Variants in GRIA4 observed in about 807,000 individuals in gnomAD.
GRIA4 encodes glutamate receptor 4.
In GRIA4, 34 loss-of-function variants were observed where a neutral mutation model predicts 104.0. The ratio of observed to expected loss-of-function variants is 0.33; its 90% CI spans 0.25 to 0.44. The LOEUF (loss-of-function observed/expected upper bound fraction) is 0.44. GRIA4 is among the 20% of genes least tolerant of loss of function. The pLI, the probability that GRIA4 is intolerant of heterozygous loss-of-function variation, is 1.00. For synonymous variants in GRIA4, 386 were observed against 381.9 expected, an observed-to-expected ratio of 1.01 and a Z score of -0.13; for missense variants, 750 against 1,096.5, an observed-to-expected ratio of 0.68 and a Z score of 4.46.
chr11:105,975,883 G>C (rs1256295315), intron 16 of GRIA4, among the ~76,000 whole-genome samples: 1 of 152,022 alleles, frequency 6.6e-6, no homozygotes. Context: ...TAGTGACTGA[G>C]TACAATAGCA....
At chr11:105,936,445 G>C (rs1239061640) in intron 14 of GRIA4, among the ~76,000 whole-genome samples, 1 of 152,080 alleles carries the variant, frequency 6.6e-6, no homozygotes, top group East Asian at 1.9e-4. Flanking sequence ...TGGATGTAGT[G>C]AGACTTTTGT....
In GRIA4 at chr11:105,873,500, A is replaced by G. The variant is rs1033800811; in HGVS notation, c.672+11292A>G. On this transcript the variant is annotated intron_variant, in intron 5 of 16. Coordinates refer to ENST00000282499, the MANE Select transcript of GRIA4 (RefSeq NM_000829.4). ...TTCTAGATCCTTGAGGAATGGCCAC[A>G]CTGTCTTCCACAATGGTTGAACTAA... Among the ~76,000 whole-genome samples, 3 of 152,302 alleles carry G rather than the reference A, an allele frequency of 2.0e-5. No homozygotes were observed. In the East Asian group the frequency reaches 5.8e-4, roughly 29 times the overall value.
intron 12 of GRIA4, 93 bp downstream of exon 12, chr11:105,924,862 A>G: frequency 3.0e-6 from 3 of 998,902 alleles, no homozygotes; most frequent in Non-Finnish European, 4.4e-6. Context: ...TCCTGAAGAC[A>G]GAGGACTATT....
intron 4 of GRIA4, among the ~76,000 whole-genome samples, chr11:105,851,507 G>T (rs983115017): frequency 6.6e-6 from 1 of 152,130 alleles, no homozygotes; most frequent in Non-Finnish European, 1.5e-5. Flanking sequence ...GAAATGTAAA[G>T]AAAAAAGACA....
intron 3 of GRIA4, among the ~76,000 whole-genome samples, chr11:105,737,388 T>C (rs192858853): frequency 2.6e-5 from 4 of 152,254 alleles, no homozygotes; most frequent in African/African-American, 2.4e-5. Context: ...ATATTAACCA[T>C]GCAAAAGTTT....
In GRIA4 at chr11:105,894,860, C is replaced by T. The variant is rs980871017; in HGVS notation, c.727-3409C>T. 2.0e-5 allele frequency among the ~76,000 whole-genome samples: 2 copies of T among 100,540 alleles called. 1 individual carries two copies. Among genetic ancestry groups the T allele is most frequent in the Non-Finnish European group, 4.2e-5 (2 of 47,432 alleles). 66.0% of individuals were successfully genotyped at this position (100,540 alleles called of 152,430 possible). On this transcript the variant is annotated intron_variant, in intron 6 of 16. Coordinates refer to ENST00000282499, the MANE Select transcript of GRIA4 (RefSeq NM_000829.4). ...CAGGCTGGACTGCGGACTGCAGTGG[C>T]GCAATCTCGGCTCACTGCAAGCTCC... is the stretch of plus-strand genomic sequence containing the variant.
chr11:105,979,787 T>A lies in GRIA4; in HGVS notation c.*48T>A, dbSNP rs751168586. 2.8e-6 allele frequency: 4 copies of A among 1,451,398 alleles called. No homozygotes were observed. The highest frequency in any genetic ancestry group is 3.8e-6 in the Non-Finnish European group (4 of 1,041,150). 89.9% of individuals were successfully genotyped at this position (1,451,398 alleles called of 1,614,324 possible). A position where few individuals can be genotyped will look rare whatever the true frequency, so the allele number is the denominator to read the frequency against. On this transcript the variant is annotated 3_prime_UTR_variant, in exon 17 of 17. Transcript: ENST00000282499. Reference sequence around the variant, plus strand: ...CCTTAATTAAACTGTTGGTGACTGGTGGAAACGCAGCCCTGAGGGACACGC... The same window carrying A: ...CCTTAATTAAACTGTTGGTGACTGGAGGAAACGCAGCCCTGAGGGACACGC...
chr11:105,844,638 T>C (rs1311379324), intron 4 of GRIA4, among the ~76,000 whole-genome samples: 1 of 152,220 alleles, frequency 6.6e-6, no homozygotes, highest in African/African-American at 2.4e-5. Context: ...TGGGAAAATA[T>C]GTTAAGAATT....
chr11:105,835,109 GTTAC>G (rs1159912769), intron 4 of GRIA4, among the ~76,000 whole-genome samples: 2 of 151,588 alleles, frequency 1.3e-5, no homozygotes, highest in Non-Finnish European at 2.9e-5. Flanking sequence ...TGTGTTTCTT[GTTAC>G]TTATTCAATA....
intron 10 of GRIA4, among the ~76,000 whole-genome samples, chr11:105,911,242 C>A (rs1476036577): frequency 6.6e-6 from 1 of 151,886 alleles, no homozygotes; most frequent in Non-Finnish European, 1.5e-5. Flanking sequence ...AATGAAAAAT[C>A]CTCTAAATTT....
chr11:105,767,642 C>T (rs1245118310), intron 4 of GRIA4, among the ~76,000 whole-genome samples: 1 of 152,074 alleles, frequency 6.6e-6, no homozygotes, highest in Admixed American at 6.6e-5. Context: ...AATTTATAAT[C>T]TCATAATAAT....
At chr11:105,740,068 G>T (rs909474961) in intron 3 of GRIA4, among the ~76,000 whole-genome samples, 8 of 152,076 alleles carry the variant, frequency 5.3e-5, no homozygotes, top group Non-Finnish European at 8.8e-5. Flanking sequence ...TTAAATGTAT[G>T]AAAATGACAA....
intron 4 of GRIA4, among the ~76,000 whole-genome samples, chr11:105,823,506 A>G (rs1276512398): frequency 3.3e-5 from 5 of 152,106 alleles, no homozygotes; most frequent in Non-Finnish European, 7.4e-5. Context: ...TGGAAAGGAC[A>G]TTTTGCAGAA....
chr11:105,788,752 G>A (rs1477891880), intron 4 of GRIA4, among the ~76,000 whole-genome samples: 2 of 152,256 alleles, frequency 1.3e-5, no homozygotes, highest in South Asian at 2.1e-4. Flanking sequence ...AAGGGATGAG[G>A]TTGGGGATAG....
At chr11:105,847,557 T>G (rs1456994693) in intron 4 of GRIA4, among the ~76,000 whole-genome samples, 1 of 152,216 alleles carries the variant, frequency 6.6e-6, no homozygotes, top group Non-Finnish European at 1.5e-5. Flanking sequence ...TGCATTTTTT[T>G]TGTTACTCAC....
intron 3 of GRIA4, among the ~76,000 whole-genome samples, chr11:105,749,182 A>C (rs1039419594): frequency 6.6e-6 from 1 of 152,202 alleles, no homozygotes; most frequent in African/African-American, 2.4e-5. Context: ...GTATTCCAAT[A>C]AGATAAAACC....
intron 3 of GRIA4, among the ~76,000 whole-genome samples, chr11:105,658,309 T>G (rs899264671): frequency 2.6e-5 from 4 of 151,860 alleles, no homozygotes; most frequent in Admixed American, 1.3e-4. Flanking sequence ...TGAATTTTTG[T>G]TTTTCATCCT....
At chr11:105,619,078 A>G (rs1224913096) in intron 3 of GRIA4, among the ~76,000 whole-genome samples, 2 of 510 alleles carry the variant, frequency 3.9e-3, no homozygotes, top group Non-Finnish European at 0.1. Flanking sequence ...TATGACCAGA[A>G]AAAAAAAAAG....
chr11:105,903,429 G>A (rs1243648718), intron 7 of GRIA4, among the ~76,000 whole-genome samples: 1 of 152,124 alleles, frequency 6.6e-6, no homozygotes, highest in Non-Finnish European at 1.5e-5. Flanking sequence ...GCCCTCCTGG[G>A]GTTCAACCAC....
Sources: gnomAD v4.1 joint callset for allele counts (sites outside exome capture counted in the v4.1 genomes callset) on GRCh38, gnomAD v4.1.1 for gene constraint, MANE v1.5 for transcripts, NCBI Gene and HGNC (gene_info 2026-07-23, HGNC 2026-07-21) for gene names.